The following CNTNAP5 variants were observed in gnomAD, a reference collection of about 807,000 sequenced individuals.
CNTNAP5 encodes contactin-associated protein-like 5.
Under a neutral mutation model 150.2 loss-of-function variants are expected in CNTNAP5, and 72 were observed. That is an observed-to-expected ratio of 0.48 (90% CI 0.40 to 0.58). CNTNAP5 has a LOEUF of 0.58. CNTNAP5 is among the 20% of genes least tolerant of loss of function. The pLI is 0.00. For synonymous variants in CNTNAP5, 672 were observed against 619.8 expected, an observed-to-expected ratio of 1.08 and a Z score of -1.25; for missense variants, 1,636 against 1,626.2, an observed-to-expected ratio of 1.01 and a Z score of -0.10.
intron 3 of CNTNAP5, among the ~76,000 whole-genome samples, chr2:124,314,017 G>A (rs1382532404): frequency 1.3e-5 from 2 of 152,176 alleles, no homozygotes; most frequent in Non-Finnish European, 2.9e-5. Flanking sequence ...GTCCTTCAAA[G>A]TAGCTTTTGA....
intron 3 of CNTNAP5, among the ~76,000 whole-genome samples, chr2:124,336,792 G>A (rs980104160): frequency 1.3e-4 from 19 of 151,968 alleles, no homozygotes; most frequent in African/African-American, 4.6e-4. Context: ...CATTTGGGTT[G>A]GTTCCAAGTC....
chr2:124,632,838 A>G (rs187674747), intron 12 of CNTNAP5, among the ~76,000 whole-genome samples: 38 of 152,272 alleles, frequency 2.5e-4, no homozygotes, highest in Non-Finnish European at 4.3e-4. Context: ...GAGGCCTCAG[A>G]AAAGTTTCAG....
At chr2:124,703,690 G>T (rs1039270408) in intron 13 of CNTNAP5, among the ~76,000 whole-genome samples, 1 of 152,104 alleles carries the variant, frequency 6.6e-6, no homozygotes, top group Non-Finnish European at 1.5e-5. Flanking sequence ...GATCTTCCCA[G>T]GCAAAGGGAG....
intron 1 of CNTNAP5, among the ~76,000 whole-genome samples, chr2:124,032,480 A>G (rs1284413903): frequency 6.6e-6 from 1 of 152,316 alleles, no homozygotes; most frequent in East Asian, 1.9e-4. Context: ...GGTGGCAAGA[A>G]AACCAGTTAA....
At chr2:124,606,545 A>C (rs1016186257) in intron 11 of CNTNAP5, among the ~76,000 whole-genome samples, 1 of 152,184 alleles carries the variant, frequency 6.6e-6, no homozygotes, top group African/African-American at 2.4e-5. Context: ...TCAGGTATAC[A>C]AAAACTGTAT....
intron 19 of CNTNAP5, among the ~76,000 whole-genome samples, chr2:124,843,038 A>T (rs191633769): frequency 4.6e-5 from 7 of 151,956 alleles, no homozygotes; most frequent in Admixed American, 4.6e-4. Context: ...AATATGTAAC[A>T]TTTTATTCCT....
At chr2:124,714,103 G>T (rs1170814857) in intron 13 of CNTNAP5, among the ~76,000 whole-genome samples, 1 of 152,026 alleles carries the variant, frequency 6.6e-6, no homozygotes, top group African/African-American at 2.4e-5. Flanking sequence ...TTCTGAGTTT[G>T]CTGAGCTTCA....
intron 3 of CNTNAP5, among the ~76,000 whole-genome samples, chr2:124,266,970 A>AT (rs70996057): frequency 0.31 from 46,583 of 148,634 alleles, 7,341 homozygotes; most frequent in South Asian, 0.49. Context: ...TAGATGAGAG[A>AT]TTTTTTTTTT....
intron 1 of CNTNAP5, among the ~76,000 whole-genome samples, chr2:124,207,821 A>G (rs1685899742): frequency 6.6e-6 from 1 of 152,226 alleles, no homozygotes; most frequent in Non-Finnish European, 1.5e-5. Flanking sequence ...GGAAAAATGG[A>G]AATTGAACTC....
chr2:124,618,335 A>ACTGAC (rs1677534037), intron 12 of CNTNAP5, among the ~76,000 whole-genome samples: 1 of 152,184 alleles, frequency 6.6e-6, no homozygotes, highest in East Asian at 1.9e-4. Context: ...GGACCTTAGC[A>ACTGAC]CTGACCCCAT....
At chr2:124,334,738 T>C (rs1358580553) in intron 3 of CNTNAP5, among the ~76,000 whole-genome samples, 1 of 152,198 alleles carries the variant, frequency 6.6e-6, no homozygotes, top group Non-Finnish European at 1.5e-5. Context: ...TAAGGCTTGT[T>C]GTGACACTAT....
intron 8 of CNTNAP5, among the ~76,000 whole-genome samples, chr2:124,520,120 G>A (rs79176054): frequency 0.039 from 6,004 of 152,148 alleles, 142 homozygotes; most frequent in Non-Finnish European, 0.047. Context: ...TTAACAAGAT[G>A]GGAATCATGC....
chr2:124,865,182 A>T, intron 19 of CNTNAP5, 124 bp from the exon 20 acceptor site: 1 of 768,620 alleles, frequency 1.3e-6, no homozygotes, highest in Admixed American at 3.0e-5. Context: ...TATATTTTTA[A>T]AAATTGAATA....
At chr2:124,403,428 A>G (rs1691481112) in intron 3 of CNTNAP5, among the ~76,000 whole-genome samples, 1 of 152,200 alleles carries the variant, frequency 6.6e-6, no homozygotes, top group African/African-American at 2.4e-5. Context: ...CTTGATGAGT[A>G]AACAGATTAA....
In CNTNAP5 at chr2:124,145,839, A is replaced by AG. The variant is rs1269181483; in HGVS notation, c.83-75866_83-75865insG. 2.9e-3 allele frequency among the ~76,000 whole-genome samples: 425 copies of AG among 144,434 alleles called. 5 individuals carry two copies. Among genetic ancestry groups the AG allele is most frequent in the African/African-American group, 0.011 (412 of 39,166 alleles). The allele number at this position is 144,434 out of a possible 152,430, so 94.8% of individuals were successfully genotyped here. A position where few individuals can be genotyped will look rare whatever the true frequency, so the allele number is the denominator to read the frequency against. ...AAAAAAAAAAAAAAAGAAGAAAAAA[A>AG]AAAAAAATAAAATATATTTAATGGG... On this transcript the variant is annotated intron_variant, in intron 1 of 23. Coordinates refer to ENST00000682447, the MANE Select transcript of CNTNAP5 (RefSeq NM_001367498.1).
intron 4 of CNTNAP5, 25 bp downstream of exon 4, chr2:124,417,615 C>A: frequency 6.2e-7 from 1 of 1,601,258 alleles, no homozygotes; most frequent in Non-Finnish European, 8.5e-7. Context: ...GTACCCTTTA[C>A]CATTGCTGAG....
intron 1 of CNTNAP5, among the ~76,000 whole-genome samples, chr2:124,084,840 T>C (rs1052326499): frequency 2.0e-5 from 3 of 151,928 alleles, no homozygotes; most frequent in African/African-American, 7.3e-5. Flanking sequence ...TATCTTGAAT[T>C]GTTTTGTATA....
Position 124,459,078 on chromosome 2 carries a change from G to A in CNTNAP5, c.918+12141G>A, listed in dbSNP as rs1026955523. On this transcript the variant is annotated intron_variant, in intron 6 of 23. Transcript: ENST00000682447. ...TTGTCCTACAATTATTAGCAAATGT[G>A]TGCAATGGAATATATGCTAGGTATA... 9.9e-5 allele frequency among the ~76,000 whole-genome samples: 15 copies of A among 152,168 alleles called. 1 individual carries two copies. The highest frequency in any genetic ancestry group is 9.2e-4 in the Admixed American group (14 of 15,274).
chr2:124,197,671 T>A (rs1490816218), intron 1 of CNTNAP5, among the ~76,000 whole-genome samples: 1 of 152,150 alleles, frequency 6.6e-6, no homozygotes, highest in Non-Finnish European at 1.5e-5. Context: ...TCCAAATATT[T>A]GTACCAATTC....
Sources: gnomAD v4.1 joint callset for allele counts (sites outside exome capture counted in the v4.1 genomes callset) on GRCh38, gnomAD v4.1.1 for gene constraint, MANE v1.5 for transcripts, NCBI Gene and HGNC (gene_info 2026-07-23, HGNC 2026-07-21) for gene names.